TLN2: variants seen among roughly 807,000 people sequenced by gnomAD.
The protein encoded by TLN2 is talin 2, also known as talin-2.
A neutral mutation model predicts 294.7 loss-of-function variants in TLN2; 118 were observed. The observed-to-expected ratio is 0.40, with a 90% CI of 0.34 to 0.47. The LOEUF is 0.47. Among genes scored for constraint, TLN2 ranks in the 20% least tolerant of loss-of-function variants. The pLI, the probability that TLN2 is intolerant of heterozygous loss-of-function variation, is 0.84. For synonymous variants in TLN2, 1,431 were observed against 1,304.5 expected (o/e 1.10, Z -2.09); for missense variants, 3,083 against 3,282.2 (o/e 0.94, Z 1.48).
intron 1 of TLN2, among the ~76,000 whole-genome samples, chr15:62,427,571 G>C (rs1566963016): frequency 6.6e-6 from 1 of 152,076 alleles, no homozygotes; most frequent in African/African-American, 2.4e-5. Flanking sequence ...CTGGGCTGGG[G>C]GGTGGATGAG....
At chr15:62,480,082 G>A (rs910752636) in intron 1 of TLN2, among the ~76,000 whole-genome samples, 1 of 152,164 alleles carries the variant, frequency 6.6e-6, no homozygotes, top group Admixed American at 6.5e-5. Context: ...GTGGACTTCA[G>A]GAGTGAAGAC....
At chr15:62,556,184 T>C (rs1395983198) in intron 1 of TLN2, among the ~76,000 whole-genome samples, 1 of 151,954 alleles carries the variant, frequency 6.6e-6, no homozygotes, top group African/African-American at 2.4e-5. Flanking sequence ...TTGGCATATA[T>C]ATGGGTAGGT....
intron 1 of TLN2, among the ~76,000 whole-genome samples, chr15:62,531,334 C>T (rs2041030736): frequency 6.6e-6 from 1 of 152,126 alleles, no homozygotes; most frequent in Non-Finnish European, 1.5e-5. Flanking sequence ...AAACAAGTAC[C>T]ATGTGTTCTC....
chr15:62,794,790 C>T (rs915510402), intron 46 of TLN2, among the ~76,000 whole-genome samples: 3 of 152,202 alleles, frequency 2.0e-5, no homozygotes, highest in African/African-American at 4.8e-5. Flanking sequence ...GCTGAGATCT[C>T]AGCAGCACGG....
intron 1 of TLN2, among the ~76,000 whole-genome samples, chr15:62,587,966 C>T (rs1054078332): frequency 6.6e-5 from 10 of 152,130 alleles, no homozygotes; most frequent in East Asian, 1.9e-4. Context: ...CTGCAAGCTC[C>T]GCCTCCCGGG....
chr15:62,837,524 C>T (rs2069860388), intron 57 of TLN2, among the ~76,000 whole-genome samples: 1 of 152,140 alleles, frequency 6.6e-6, no homozygotes, highest in African/African-American at 2.4e-5. Flanking sequence ...TAAGGATTTA[C>T]ACAGATAGAA....
intron 2 of TLN2, among the ~76,000 whole-genome samples, chr15:62,596,799 G>A (rs964802816): frequency 6.6e-6 from 1 of 151,778 alleles, no homozygotes; most frequent in African/African-American, 2.4e-5. Flanking sequence ...GCATGCAAAT[G>A]GCTAAAAGTA....
chr15:62,404,920 A>C (rs1210587790), intron 1 of TLN2, among the ~76,000 whole-genome samples: 1 of 152,214 alleles, frequency 6.6e-6, no homozygotes, highest in Non-Finnish European at 1.5e-5. Flanking sequence ...ACACTCAAGA[A>C]GACAGGACGT....
intron 1 of TLN2, among the ~76,000 whole-genome samples, chr15:62,447,327 G>A (rs2035874186): frequency 1.3e-5 from 2 of 151,958 alleles, no homozygotes; most frequent in African/African-American, 2.4e-5. Flanking sequence ...GGTCCAGAAC[G>A]TCGGGGTGGG....
chr15:62,696,657 G>A (rs1011028494), intron 14 of TLN2, among the ~76,000 whole-genome samples: 4 of 152,132 alleles, frequency 2.6e-5, no homozygotes, highest in South Asian at 2.1e-4. Flanking sequence ...GCAGTGAGCC[G>A]AGATCACGCC....
chr15:62,706,950 A>T, intron 19 of TLN2, 136 bp from the exon 20 acceptor site: 1 of 1,083,102 alleles, frequency 9.2e-7, no homozygotes, highest in Non-Finnish European at 1.3e-6. Flanking sequence ...ATAAGTTGAC[A>T]TTTCAAAAAA....
intron 13 of TLN2, among the ~76,000 whole-genome samples, chr15:62,693,998 T>G: frequency 8.2e-6 from 1 of 121,758 alleles, no homozygotes; most frequent in South Asian, 2.7e-4. Flanking sequence ...AGACAGAGTC[T>G]CCCTCAGTCG....
intron 1 of TLN2, among the ~76,000 whole-genome samples, chr15:62,538,608 T>C (rs2041496502): frequency 6.6e-6 from 1 of 152,204 alleles, no homozygotes. Flanking sequence ...TCCTTGGTTT[T>C]AGATTTGGGG....
At chr15:62,578,378 C>G (rs1444945138) in intron 1 of TLN2, among the ~76,000 whole-genome samples, 1 of 151,980 alleles carries the variant, frequency 6.6e-6, no homozygotes, top group Non-Finnish European at 1.5e-5. Context: ...ACCAGCCTGG[C>G]CAACATGGTG....
At chr15:62,718,734 T>C (rs1388329774) in intron 24 of TLN2, among the ~76,000 whole-genome samples, 1 of 152,188 alleles carries the variant, frequency 6.6e-6, no homozygotes, top group East Asian at 1.9e-4. Context: ...TCAGCTCAGC[T>C]GCTAGCAGGG....
chr15:62,533,427 C>G (rs1468215363), intron 1 of TLN2, among the ~76,000 whole-genome samples: 2 of 151,934 alleles, frequency 1.3e-5, no homozygotes, highest in Non-Finnish European at 2.9e-5. Context: ...CTAACCCCTC[C>G]CTCAACAGTG....
chr15:62,768,129 A>G (rs1487451370), intron 41 of TLN2, among the ~76,000 whole-genome samples: 1 of 152,210 alleles, frequency 6.6e-6, no homozygotes, highest in African/African-American at 2.4e-5. Context: ...GTGGGGCCCC[A>G]GATCAGCAGC....
At chr15:62,506,484 A>G (rs2039628484) in intron 1 of TLN2, among the ~76,000 whole-genome samples, 1 of 152,250 alleles carries the variant, frequency 6.6e-6, no homozygotes, top group Non-Finnish European at 1.5e-5. Context: ...CTTCAGATTA[A>G]CATTTGGAAT....
chr15:62,670,216 C>G (rs1010553153), intron 9 of TLN2, among the ~76,000 whole-genome samples: 3 of 152,148 alleles, frequency 2.0e-5, no homozygotes, highest in African/African-American at 7.2e-5. Flanking sequence ...GATGGAGGAG[C>G]CAATGCCTAG....
Sources: gnomAD v4.1 joint callset for allele counts (sites outside exome capture counted in the v4.1 genomes callset) on GRCh38, gnomAD v4.1.1 for gene constraint, MANE v1.5 for transcripts, NCBI Gene and HGNC (gene_info 2026-07-23, HGNC 2026-07-21) for gene names.